RHAG: variants seen among roughly 807,000 people sequenced by gnomAD.
RHAG encodes Rh associated glycoprotein.
In RHAG, 25 loss-of-function variants were observed where a neutral mutation model predicts 42.4. The ratio of observed to expected loss-of-function variants is 0.59; its 90% CI spans 0.43 to 0.82. The LOEUF is 0.82. Among genes scored for constraint, RHAG ranks in the 40% least tolerant of loss-of-function variants. The pLI, the probability that RHAG is intolerant of heterozygous loss-of-function variation, is 0.00. For synonymous variants in RHAG, 182 were observed against 177.7 expected (o/e 1.02, Z -0.19); for missense variants, 483 against 504.6 (o/e 0.96, Z 0.41).
chr6:49,634,094 T>C (rs1762971730), intron 1 of RHAG, among the ~76,000 whole-genome samples: 1 of 152,212 alleles, frequency 6.6e-6, no homozygotes, highest in Admixed American at 6.5e-5. Context: ...AGGATATCCA[T>C]CACCTTGAAC....
intron 1 of RHAG, among the ~76,000 whole-genome samples, chr6:49,628,772 G>C (rs1387156994): frequency 6.6e-6 from 1 of 152,028 alleles, no homozygotes; most frequent in African/African-American, 2.4e-5. Context: ...TCCTCCCGGT[G>C]GGCTCGTGGT....
intron 9 of RHAG, among the ~76,000 whole-genome samples, chr6:49,606,158 C>T (rs942751459): frequency 3.9e-5 from 6 of 152,194 alleles, no homozygotes; most frequent in East Asian, 1.9e-4. Flanking sequence ...GCTGATGTTT[C>T]GTTATTCATA....
chr6:49,606,619 T>C, intron 9 of RHAG: 1 of 426,320 alleles, frequency 2.3e-6, no homozygotes. Flanking sequence ...AAATTTATTA[T>C]TTATAATTTT....
chr6:49,610,999 C>G (rs887429622), intron 7 of RHAG, 25 bp downstream of exon 7: 1 of 1,613,540 alleles, frequency 6.2e-7, no homozygotes, highest in East Asian at 2.2e-5. Flanking sequence ...ACCACAGGGG[C>G]TGAAAAACCC....
chr6:49,614,744 A>G lies in RHAG; in HGVS notation c.750T>C (p.Cys250=). The change falls in exon 5 of 10, where the codon TGT becomes TGC. Residue 250 remains cysteine, a synonymous_variant. Coordinates refer to ENST00000371175, the MANE Select transcript of RHAG (RefSeq NM_000324.3). ...TGGAGAAGGCAAAGGCTGTGAGCACACAGGCAGCGAGAGAGAAGTACGTGT... is the reference window on the plus strand; with the variant it reads ...TGGAGAAGGCAAAGGCTGTGAGCACGCAGGCAGCGAGAGAGAAGTACGTGT... ...IVNTYFSLAA[C]VLTAFAFSSL... 6.2e-7 allele frequency: 1 copy of G among 1,614,116 alleles called. No homozygotes were observed. Among genetic ancestry groups the G allele is most frequent in the Non-Finnish European group, 8.5e-7 (1 of 1,180,020 alleles).
chr6:49,605,265 A>G lies in RHAG; in HGVS notation c.*548T>C, dbSNP rs1774139924. The G allele has an allele frequency of 6.4e-6, 1 of 155,046 alleles. No individual in the cohort carries two copies. Among genetic ancestry groups the G allele is most frequent in the Admixed American group, 6.3e-5 (1 of 15,884 alleles). 9.6% of individuals were successfully genotyped at this position (155,046 alleles called of 1,614,324 possible). On this transcript the variant is annotated 3_prime_UTR_variant, in exon 10 of 10. Transcript: ENST00000371175. The stretch of plus-strand genomic sequence containing the variant: ...TTTGAGCTCGTTGCAAATAGTCAAC[A>G]TGCAAAAGGAATTAAGAATAATATT...
At chr6:49,614,628 T>C in intron 5 of RHAG, 59 bp downstream of exon 5, 2 of 1,438,016 alleles carry the variant, frequency 1.4e-6, no homozygotes, top group Admixed American at 1.7e-5. Flanking sequence ...CTACTACTTA[T>C]CTGAGCAACT....
chr6:49,636,201 A>G (rs1033903882), intron 1 of RHAG, among the ~76,000 whole-genome samples: 10 of 152,100 alleles, frequency 6.6e-5, no homozygotes, highest in Admixed American at 5.2e-4. Flanking sequence ...AACTTCCTAC[A>G]TCATACTAAA....
At chr6:49,629,669 G>C (rs1024346920) in intron 1 of RHAG, among the ~76,000 whole-genome samples, 27 of 152,216 alleles carry the variant, frequency 1.8e-4, no homozygotes, top group Non-Finnish European at 2.8e-4. Flanking sequence ...GGCATGGCGG[G>C]CTGCAGGTCC....
chr6:49,636,628 T>C (rs1358453719), intron 1 of RHAG, 28 bp downstream of exon 1: 4 of 1,612,478 alleles, frequency 2.5e-6, no homozygotes, highest in Non-Finnish European at 3.4e-6. Context: ...CCGAAAAATG[T>C]ATAGTAAGTA....
intron 5 of RHAG, among the ~76,000 whole-genome samples, chr6:49,613,591 C>A (rs974227107): frequency 2.6e-5 from 4 of 152,146 alleles, no homozygotes; most frequent in Admixed American, 6.5e-5. Context: ...TTTTCCTCCC[C>A]ACTCCACCCC....
At chr6:49,616,516 A>G (rs769133185) in intron 3 of RHAG, among the ~76,000 whole-genome samples, 27 of 152,162 alleles carry the variant, frequency 1.8e-4, no homozygotes, top group Non-Finnish European at 2.8e-4. Flanking sequence ...CTATGATGAC[A>G]TGAAAACCAG....
chr6:49,628,051 C>T (rs781758312), intron 1 of RHAG, among the ~76,000 whole-genome samples: 23 of 152,198 alleles, frequency 1.5e-4, no homozygotes, highest in Non-Finnish European at 2.6e-4. Flanking sequence ...TCCTTTTCCT[C>T]TATTTCCTAT....
At chr6:49,622,244 C>T (rs1762770330) in intron 1 of RHAG, among the ~76,000 whole-genome samples, 2 of 142,198 alleles carry the variant, frequency 1.4e-5, no homozygotes, top group Admixed American at 1.5e-4. Flanking sequence ...TAGACAGAGT[C>T]TCATTCTTGT....
intron 1 of RHAG, among the ~76,000 whole-genome samples, chr6:49,622,414 G>T (rs1397906083): frequency 6.6e-6 from 1 of 152,080 alleles, no homozygotes; most frequent in Non-Finnish European, 1.5e-5. Context: ...GTTTCACCAT[G>T]TTGGTCAGGC....
intron 1 of RHAG, among the ~76,000 whole-genome samples, chr6:49,620,136 G>C (rs1452982643): frequency 3.9e-5 from 6 of 152,142 alleles, no homozygotes; most frequent in Non-Finnish European, 1.5e-5. Flanking sequence ...GGTGTCTGGG[G>C]ATATGGGCTC....
intron 3 of RHAG, among the ~76,000 whole-genome samples, chr6:49,616,147 C>T (rs1172060794): frequency 6.6e-6 from 1 of 152,126 alleles, no homozygotes; most frequent in Non-Finnish European, 1.5e-5. Context: ...GCACACAAGA[C>T]ATGCAAGGTT....
chr6:49,615,436 C>A, intron 4 of RHAG, 188 bp downstream of exon 4: 1 of 605,618 alleles, frequency 1.7e-6, no homozygotes. Context: ...ATTATGTTAC[C>A]CAGGCTGGAC....
intron 3 of RHAG, among the ~76,000 whole-genome samples, chr6:49,616,850 C>T (rs1762665147): frequency 6.6e-6 from 1 of 152,176 alleles, no homozygotes; most frequent in Non-Finnish European, 1.5e-5. Flanking sequence ...ACACTTAGTC[C>T]CTTCCCAGCT....
Sources: allele counts gnomAD v4.1 joint callset (sites outside exome capture counted in the v4.1 genomes callset), GRCh38; gene constraint gnomAD v4.1.1; transcripts MANE v1.5; gene names NCBI Gene and HGNC (gene_info 2026-07-23, HGNC 2026-07-21).